The following REEP1 variants were observed in gnomAD, a reference collection of about 807,000 sequenced individuals.
The protein encoded by REEP1 is receptor expression-enhancing protein 1.
In REEP1, 22 loss-of-function variants were observed where a neutral mutation model predicts 40.3. The observed-to-expected ratio is 0.55, with a 90% CI of 0.39 to 0.78. REEP1 has a LOEUF of 0.78. Among genes scored for constraint, REEP1 ranks in the 30% least tolerant of loss-of-function variants. The pLI is 0.00. For synonymous variants in REEP1, 116 were observed against 139.2 expected, an observed-to-expected ratio of 0.83 and a Z score of 1.17; for missense variants, 280 against 361.1, an observed-to-expected ratio of 0.78 and a Z score of 1.82.
intron 2 of REEP1, among the ~76,000 whole-genome samples, chr2:86,267,794 A>G (rs1677225838): frequency 6.6e-6 from 1 of 152,190 alleles, no homozygotes; most frequent in Admixed American, 6.5e-5. Context: ...ATATTTGCAC[A>G]TCATTCATCT....
intron 7 of REEP1, among the ~76,000 whole-genome samples, chr2:86,225,795 T>C (rs1674650861): frequency 2.6e-5 from 4 of 152,206 alleles, no homozygotes. Flanking sequence ...GCCAGCAGGC[T>C]GCAGGCCAGG....
intron 1 of REEP1, among the ~76,000 whole-genome samples, chr2:86,308,271 G>T (rs12478653): frequency 0.34 from 51,976 of 152,090 alleles, 9,830 homozygotes; most frequent in Middle Eastern, 0.44. Flanking sequence ...GAAAAAAGGG[G>T]GCAAGCATAT....
At chr2:86,289,841 TG>T (rs1309361857) in intron 1 of REEP1, among the ~76,000 whole-genome samples, 1 of 152,168 alleles carries the variant, frequency 6.6e-6, no homozygotes, top group Non-Finnish European at 1.5e-5. Flanking sequence ...TGGTTATTCA[TG>T]GTATATAGGA....
At chr2:86,298,451 G>A (rs1425322801) in intron 1 of REEP1, among the ~76,000 whole-genome samples, 1 of 152,234 alleles carries the variant, frequency 6.6e-6, no homozygotes, top group Non-Finnish European at 1.5e-5. Flanking sequence ...CTACCAGTAT[G>A]GGTGTGTAAC....
chr2:86,252,851 G>A (rs957782174), intron 4 of REEP1, among the ~76,000 whole-genome samples: 1 of 152,204 alleles, frequency 6.6e-6, no homozygotes, highest in African/African-American at 2.4e-5. Flanking sequence ...GTAAAGGTGA[G>A]ATGGAAAACA....
intron 2 of REEP1, among the ~76,000 whole-genome samples, chr2:86,264,307 G>C (rs1047788255): frequency 3.3e-5 from 5 of 152,168 alleles, no homozygotes; most frequent in Admixed American, 3.3e-4. Flanking sequence ...CGGACCAAGA[G>C]TGACCCAGGA....
At chr2:86,276,783 C>T (rs749417949) in intron 2 of REEP1, among the ~76,000 whole-genome samples, 13 of 145,096 alleles carry the variant, frequency 9.0e-5, no homozygotes, top group South Asian at 4.2e-4. Context: ...AAGTGAGGTC[C>T]GTGGACCAGC....
intron 6 of REEP1, among the ~76,000 whole-genome samples, chr2:86,231,876 T>C (rs2104044583): frequency 6.6e-6 from 1 of 152,288 alleles, no homozygotes; most frequent in South Asian, 2.1e-4. Flanking sequence ...TGCATCTCAA[T>C]GAAAATCACA....
chr2:86,250,784 C>T (rs1053370155), intron 5 of REEP1, among the ~76,000 whole-genome samples: 1 of 152,160 alleles, frequency 6.6e-6, no homozygotes, highest in Non-Finnish European at 1.5e-5. Context: ...CTGAAAGGTA[C>T]TTTTCAAGCA....
chr2:86,224,440 G>GGACA (rs1317848421), intron 7 of REEP1, among the ~76,000 whole-genome samples: 2 of 152,190 alleles, frequency 1.3e-5, no homozygotes, highest in Non-Finnish European at 2.9e-5. Context: ...GAGGACCAAG[G>GGACA]GACACCTCAT....
intron 2 of REEP1, among the ~76,000 whole-genome samples, chr2:86,271,696 A>G (rs1029839009): frequency 2.0e-5 from 3 of 152,170 alleles, no homozygotes; most frequent in Non-Finnish European, 2.9e-5. Flanking sequence ...GACACTGCAC[A>G]CTGCCAGGTT....
chr2:86,219,947 C>T, intron 8 of REEP1, 23 bp downstream of exon 8: 1 of 1,231,986 alleles, frequency 8.1e-7, no homozygotes, highest in Non-Finnish European at 1.0e-6. Flanking sequence ...ACACTCCAAC[C>T]CACAGCCCCA....
At chr2:86,235,275 C>T (rs1325660734) in intron 5 of REEP1, among the ~76,000 whole-genome samples, 1 of 152,134 alleles carries the variant, frequency 6.6e-6, no homozygotes, top group Non-Finnish European at 1.5e-5. Flanking sequence ...TTGAGTCAGG[C>T]CTTGATTCAA....
intron 1 of REEP1, among the ~76,000 whole-genome samples, chr2:86,335,719 G>C (rs1375513982): frequency 7.9e-5 from 12 of 151,952 alleles, no homozygotes; most frequent in Admixed American, 7.9e-4. Flanking sequence ...CGTGGTGGCA[G>C]GCGCTTGTAA....
chr2:86,233,668 T>C (rs546915245), intron 5 of REEP1, among the ~76,000 whole-genome samples: 40 of 152,220 alleles, frequency 2.6e-4, no homozygotes, highest in South Asian at 1.5e-3. Context: ...AGAGAGGTTA[T>C]GGAAACCTGA....
At chr2:86,272,374 C>T (rs1417519657) in intron 2 of REEP1, among the ~76,000 whole-genome samples, 1 of 152,194 alleles carries the variant, frequency 6.6e-6, no homozygotes, top group Non-Finnish European at 1.5e-5. Context: ...CTGGGGCCTC[C>T]ACTTTGTAAC....
intron 1 of REEP1, among the ~76,000 whole-genome samples, chr2:86,321,421 C>A (rs1680265721): frequency 6.6e-6 from 1 of 152,190 alleles, no homozygotes; most frequent in African/African-American, 2.4e-5. Context: ...ATATTACACA[C>A]ACTATCTCAG....
chr2:86,297,476 T>G (rs1194323104), intron 1 of REEP1, among the ~76,000 whole-genome samples: 1 of 152,260 alleles, frequency 6.6e-6, no homozygotes, highest in East Asian at 1.9e-4. Context: ...GACCATGGAC[T>G]ATGGTGTCCC....
intron 7 of REEP1, among the ~76,000 whole-genome samples, chr2:86,221,247 C>T (rs186384689): frequency 1.3e-3 from 199 of 152,296 alleles, no homozygotes; most frequent in African/African-American, 4.4e-3. Flanking sequence ...GGCAGCTTTA[C>T]CAGTTACCAC....
Sources: allele counts gnomAD v4.1 joint callset (sites outside exome capture counted in the v4.1 genomes callset), GRCh38; gene constraint gnomAD v4.1.1; transcripts MANE v1.5; gene names NCBI Gene and HGNC (gene_info 2026-07-23, HGNC 2026-07-21).